Variants in CATSPERE observed in about 807,000 individuals in gnomAD.
CATSPERE encodes the protein catsper channel auxiliary subunit epsilon.
Under a neutral mutation model 114.1 loss-of-function variants are expected in CATSPERE, and 93 were observed. The observed-to-expected ratio is 0.81, with a 90% CI of 0.69 to 0.97. The LOEUF (loss-of-function observed/expected upper bound fraction) is 0.97, where lower values mean the gene tolerates loss of function less well. Ranked by LOEUF, CATSPERE falls within the 50% of genes least tolerant of loss-of-function variation. CATSPERE has a pLI of 0.00. For missense variants in CATSPERE, 1,058 were observed against 1,131.6 expected, an observed-to-expected ratio of 0.93 and a Z score of 0.93; for synonymous variants, 341 against 384.1, an observed-to-expected ratio of 0.89 and a Z score of 1.31.
rs2148588343 is a variant in CATSPERE at position 244,575,491 on chromosome 1, G to A, written c.1950+2719G>A. Among the ~76,000 whole-genome samples the A allele has an allele frequency of 6.6e-6, 1 of 152,354 alleles. No individual in the cohort carries two copies. ...GGCCAGCTGTCCTCCGAGGGTGGCAGGACGTACCTGAGCAGCACAGAAGGC... is the reference window on the plus strand; with the variant it reads ...GGCCAGCTGTCCTCCGAGGGTGGCAAGACGTACCTGAGCAGCACAGAAGGC... On this transcript the variant is annotated intron_variant, in intron 11 of 21. Coordinates refer to ENST00000366534, the MANE Select transcript of CATSPERE (RefSeq NM_001130957.2). The surrounding 1 kb of genome is among the most constrained non-coding windows in gnomAD (Gnocchi z 4.5).
At chr1:244,555,065 A>G (rs970514919) in intron 9 of CATSPERE, among the ~76,000 whole-genome samples, 1 of 152,216 alleles carries the variant, frequency 6.6e-6, no homozygotes, top group Admixed American at 6.5e-5. Context: ...AAAGCATGTG[A>G]TAAATTCAAC....
In CATSPERE at chr1:244,573,375, C is replaced by G. The variant is rs932254404; in HGVS notation, c.1950+603C>G. On this transcript the variant is annotated intron_variant, in intron 11 of 21. Transcript: ENST00000366534. The surrounding 1 kb of genome is among the most constrained non-coding windows in gnomAD (Gnocchi z 4.0). ...GCAGTGAGCCGAGATCACACCACTG[C>G]ACTCCAGCCTGGGTGACAGAGTGAG... 8.5e-5 allele frequency among the ~76,000 whole-genome samples: 13 copies of G among 152,104 alleles called. No homozygotes were observed. Among genetic ancestry groups the G allele is most frequent in the African/African-American group, 3.1e-4 (13 of 41,394 alleles).
At chr1:244,636,175 A>G (rs1339955723) in intron 21 of CATSPERE, among the ~76,000 whole-genome samples, 1 of 152,202 alleles carries the variant, frequency 6.6e-6, no homozygotes, top group African/African-American at 2.4e-5. Context: ...CCCTGGACTC[A>G]GCTCCAGTTC....
In CATSPERE at chr1:244,581,836, C is replaced by T. The variant is rs145777360; in HGVS notation, c.1991C>T (p.Ser664Phe). The change falls in exon 12 of 22, where the codon TCT becomes TTT. Residue 664 changes from serine (S) to phenylalanine (F), a missense_variant. Ser to Phe is a radical substitution (Grantham distance 155, BLOSUM62 -2). Around this residue, in one of 2 missense-constraint regions of CATSPERE, gnomAD observed 787 missense variants for 905.6 expected, o/e 0.87. Coordinates refer to ENST00000366534, the MANE Select transcript of CATSPERE (RefSeq NM_001130957.2). Reference protein sequence around the residue: ...FYQNVDYERISDYFETQDKHT... With the variant: ...FYQNVDYERIFDYFETQDKHT... ...CAGAATGTAGATTATGAGAGAATAT[C>T]TGATTACTTTGAGACACAGTAAGTA... The T allele has an allele frequency of 1.5e-6, 2 of 1,321,736 alleles. No individual in the cohort carries two copies. Among genetic ancestry groups the T allele is most frequent in the Admixed American group, 1.9e-5 (1 of 51,348 alleles). The allele number at this position is 1,321,736 out of a possible 1,614,324, so 81.9% of individuals were successfully genotyped here.
intron 20 of CATSPERE, among the ~76,000 whole-genome samples, chr1:244,630,828 T>G (rs1301050327): frequency 6.6e-6 from 1 of 152,030 alleles, no homozygotes; most frequent in East Asian, 1.9e-4. Flanking sequence ...TCTCTAAGTC[T>G]TTAGACTTAT....
chr1:244,479,492 C>T (rs1422238221), intron 4 of CATSPERE, among the ~76,000 whole-genome samples: 3 of 152,046 alleles, frequency 2.0e-5, no homozygotes, highest in Non-Finnish European at 4.4e-5. Context: ...TGAATGAGAA[C>T]ATTTTTTGAA....
chr1:244,511,051 G>C (rs3006033), intron 7 of CATSPERE, among the ~76,000 whole-genome samples: 25,251 of 151,474 alleles, frequency 0.17, 2,297 homozygotes, highest in African/African-American at 0.23. Flanking sequence ...CCATGTTGGT[G>C]AGGCTGGCCT....
intron 14 of CATSPERE, among the ~76,000 whole-genome samples, chr1:244,590,574 G>T (rs1389076116): frequency 6.6e-6 from 1 of 152,142 alleles, no homozygotes; most frequent in East Asian, 1.9e-4. Flanking sequence ...TCTTTACCCA[G>T]TTAGCAGTCA....
chr1:244,512,244 T>G (rs567078001), intron 7 of CATSPERE, among the ~76,000 whole-genome samples: 10 of 152,228 alleles, frequency 6.6e-5, no homozygotes, highest in African/African-American at 2.2e-4. Context: ...TTATTCTTTT[T>G]GTTTGTTTGA....
intron 11 of CATSPERE, among the ~76,000 whole-genome samples, chr1:244,581,206 A>T (rs1572861873): frequency 6.6e-6 from 1 of 152,170 alleles, no homozygotes; most frequent in South Asian, 2.1e-4. Context: ...GTCTTTGAAT[A>T]TGACGCTTAT....
intron 7 of CATSPERE, among the ~76,000 whole-genome samples, chr1:244,499,694 T>C (rs936581595): frequency 6.6e-6 from 1 of 152,124 alleles, no homozygotes; most frequent in African/African-American, 2.4e-5. Context: ...TATGACTGCA[T>C]AGTATTCCAT....
intron 7 of CATSPERE, among the ~76,000 whole-genome samples, chr1:244,516,680 C>G (rs949861833): frequency 6.6e-6 from 1 of 150,744 alleles, no homozygotes; most frequent in African/African-American, 2.5e-5. Flanking sequence ...TGCTACCAGG[C>G]CCAGCTATTT....
chr1:244,490,520 T>C (rs1671885163), intron 6 of CATSPERE, 49 bp downstream of exon 6: 6 of 1,098,710 alleles, frequency 5.5e-6, no homozygotes, highest in Non-Finnish European at 8.2e-6. Flanking sequence ...CACTAGTATA[T>C]TGTTTCTCTC....
intron 8 of CATSPERE, among the ~76,000 whole-genome samples, chr1:244,519,537 A>G (rs1466205759): frequency 2.6e-5 from 4 of 152,056 alleles, no homozygotes; most frequent in Non-Finnish European, 1.5e-5. Flanking sequence ...TTCCTCTCAC[A>G]TCCCAAAGCT....
Position 244,604,706 on chromosome 1 carries a change from C to T in CATSPERE, c.2304-989C>T, listed in dbSNP as rs528486926. On this transcript the variant is annotated intron_variant, in intron 17 of 21. Coordinates refer to ENST00000366534, the MANE Select transcript of CATSPERE (RefSeq NM_001130957.2). Reference sequence around the variant, plus strand: ...CATTCAGAAATATGGGAGTAACTGACGGAGAAGGAAAACATGTAACCATTC... The same window carrying T: ...CATTCAGAAATATGGGAGTAACTGATGGAGAAGGAAAACATGTAACCATTC... Among the ~76,000 whole-genome samples, 216 of 152,316 alleles carry T rather than the reference C, an allele frequency of 1.4e-3. 1 individual carries two copies. The highest frequency in any genetic ancestry group is 4.9e-3 in the African/African-American group (202 of 41,574).
intron 10 of CATSPERE, among the ~76,000 whole-genome samples, chr1:244,563,835 C>T (rs1480574958): frequency 6.6e-6 from 1 of 152,118 alleles, no homozygotes; most frequent in Non-Finnish European, 1.5e-5. Context: ...TTTGCCCATG[C>T]CTATGTCCTG....
In CATSPERE at chr1:244,489,947, G is replaced by C. The variant is rs148349359; in HGVS notation, c.327-500G>C. Among the ~76,000 whole-genome samples the C allele has an allele frequency of 2.0e-5, 3 of 152,248 alleles. No individual in the cohort carries two copies. The East Asian group carries it at 5.8e-4, about 29-fold the overall frequency. ...CATCAATGAGAAAAGAAATAGATTA[G>C]CACTGAGTATTAAGAAACCTCAACA... On this transcript the variant is annotated intron_variant, in intron 5 of 21. Transcript: ENST00000366534.
At chr1:244,554,423 G>A (rs752189592) in intron 9 of CATSPERE, among the ~76,000 whole-genome samples, 19 of 152,124 alleles carry the variant, frequency 1.2e-4, no homozygotes, top group East Asian at 5.8e-4. Flanking sequence ...GCAGCACTTC[G>A]GGAGGCCAAG....
intron 4 of CATSPERE, among the ~76,000 whole-genome samples, chr1:244,478,814 G>A (rs1403417405): frequency 6.6e-6 from 1 of 151,944 alleles, no homozygotes; most frequent in East Asian, 2.0e-4. Flanking sequence ...GATCACCTGA[G>A]GTCAGAAGTT....
Sources: gnomAD v4.1 joint callset for allele counts (sites outside exome capture counted in the v4.1 genomes callset) on GRCh38, gnomAD v4.1.1 for gene constraint, gnomAD v4.1.1 regional missense constraint, Gnocchi (gnomAD v3.1) non-coding constraint, MANE v1.5 for transcripts, NCBI Gene and HGNC (gene_info 2026-07-23, HGNC 2026-07-21) for gene names.